KLF8: variants seen among roughly 807,000 people sequenced by gnomAD.
KLF8 encodes Krueppel-like factor 8.
In KLF8, 10 loss-of-function variants were observed where a neutral mutation model predicts 18.2. The ratio of observed to expected loss-of-function variants is 0.55; its 90% confidence interval spans 0.34 to 0.93. The LOEUF is 0.93. KLF8 is among the 40% of genes least tolerant of loss of function. The pLI is 0.02. For synonymous variants in KLF8, 109 were observed against 97.3 expected (o/e 1.12, Z -0.71); for missense variants, 264 against 277.9 (o/e 0.95, Z 0.36).
At chrX:55,934,764 A>T in the KLF8 span, among the ~76,000 whole-genome samples, 1 of 112,396 alleles carries the variant, frequency 8.9e-6, no homozygotes, top group Non-Finnish European at 1.9e-5. Flanking sequence ...TTGAAAATTG[A>T]TCAAATTCCT....
At chrX:55,998,323 G>T in the KLF8 span, among the ~76,000 whole-genome samples, 7 of 111,330 alleles carry the variant, frequency 6.3e-5, no homozygotes, top group Admixed American at 6.6e-4. Context: ...CCCTTTACGG[G>T]TGTCGGGCTG....
the KLF8 span, among the ~76,000 whole-genome samples, chrX:55,954,602 C>T: frequency 8.9e-6 from 1 of 111,978 alleles, no homozygotes; most frequent in African/African-American, 3.2e-5. Flanking sequence ...TAAAGTAGTC[C>T]AGTCACTTTG....
chrX:56,225,833 T>G, the KLF8 span, among the ~76,000 whole-genome samples: 1 of 112,261 alleles, frequency 8.9e-6, no homozygotes. Flanking sequence ...CATTTGCAGC[T>G]CTAAATTATT....
At chrX:56,140,930 G>T in the KLF8 span, among the ~76,000 whole-genome samples, 1 of 110,615 alleles carries the variant, frequency 9.0e-6, no homozygotes, top group African/African-American at 3.3e-5. Context: ...GACAATCTAA[G>T]TGGCTAAAAA....
chrX:56,285,235 T>TTTG lies in KLF8; in HGVS notation c.*744_*746dup, dbSNP rs1360064476. On this transcript the variant is annotated 3_prime_UTR_variant, in exon 6 of 6. Transcript: ENST00000468660. ...TAAAGATTTTGCTGCACAATTGTTA[T>TTTG]TTGTTAGGTTAAATTTGGACAAATA... 8.9e-6 allele frequency: 1 copy of TTTG among 111,885 alleles called. No individual in the cohort carries two copies. Among genetic ancestry groups the TTTG allele is most frequent in the Non-Finnish European group, 1.9e-5 (1 of 53,222 alleles). 9.2% of individuals were successfully genotyped at this position (111,885 alleles called of 1,213,427 possible).
At chrX:55,995,295 G>A in the KLF8 span, among the ~76,000 whole-genome samples, 5 of 112,214 alleles carry the variant, frequency 4.5e-5, no homozygotes, top group Admixed American at 9.4e-5. Context: ...CATGTTAGAC[G>A]AGTTCCTTGA....
the KLF8 span, among the ~76,000 whole-genome samples, chrX:55,937,882 C>A: frequency 1.8e-5 from 2 of 111,708 alleles, no homozygotes; most frequent in African/African-American, 6.5e-5. Flanking sequence ...TGGGAAAAGA[C>A]CAAATCTACA....
chrX:55,973,095 A>T, the KLF8 span, among the ~76,000 whole-genome samples: 1 of 112,254 alleles, frequency 8.9e-6, no homozygotes, highest in Admixed American at 9.4e-5. Context: ...ACAAAATTTC[A>T]ATAACAAACA....
At chrX:56,026,921 G>A in the KLF8 span, among the ~76,000 whole-genome samples, 1 of 112,812 alleles carries the variant, frequency 8.9e-6, no homozygotes, top group African/African-American at 3.2e-5. Flanking sequence ...AGGCTTGTAT[G>A]CCGGGAGGGA....
the KLF8 span, among the ~76,000 whole-genome samples, chrX:56,124,037 T>C: frequency 2.7e-5 from 3 of 111,793 alleles, no homozygotes; most frequent in Non-Finnish European, 3.8e-5. Context: ...CTGGTACTTA[T>C]TATTTACAAT....
At chrX:56,202,060 C>T in the KLF8 span, among the ~76,000 whole-genome samples, 1 of 111,154 alleles carries the variant, frequency 9.0e-6, no homozygotes, top group Non-Finnish European at 1.9e-5. Context: ...ACTTGACTTG[C>T]AAGTATCTGA....
the KLF8 span, among the ~76,000 whole-genome samples, chrX:55,920,886 G>C: frequency 8.9e-6 from 1 of 112,023 alleles, no homozygotes; most frequent in Non-Finnish European, 1.9e-5. Flanking sequence ...GGCCATGCTA[G>C]ACATCTAAAC....
the KLF8 span, among the ~76,000 whole-genome samples, chrX:56,151,703 A>G: frequency 9.0e-5 from 10 of 111,262 alleles, no homozygotes; most frequent in Admixed American, 2.9e-4. Context: ...GAAACAGCCA[A>G]GTAGAGAGTT....
chrX:55,987,649 C>A, the KLF8 span, among the ~76,000 whole-genome samples: 2 of 111,775 alleles, frequency 1.8e-5, no homozygotes, highest in Non-Finnish European at 3.8e-5. Flanking sequence ...TGAATAGTGC[C>A]GCAATAAACA....
At chrX:55,956,161 CT>C in the KLF8 span, among the ~76,000 whole-genome samples, 5,569 of 96,225 alleles carry the variant, frequency 0.058, 322 homozygotes, top group African/African-American at 0.24. Context: ...ATCTATCTAT[CT>C]ATCTATCATC....
At chrX:56,083,404 A>T in the KLF8 span, among the ~76,000 whole-genome samples, 3 of 111,965 alleles carry the variant, frequency 2.7e-5, no homozygotes, top group African/African-American at 9.7e-5. Flanking sequence ...AAACCAAAAT[A>T]TTGTGCTAGC....
chrX:56,168,044 C>T, the KLF8 span, among the ~76,000 whole-genome samples: 3 of 111,550 alleles, frequency 2.7e-5, no homozygotes, highest in Non-Finnish European at 5.6e-5. Context: ...AAAAGCTGCC[C>T]TGAGGGATTT....
At chrX:56,076,553 G>C in the KLF8 span, among the ~76,000 whole-genome samples, 1 of 111,000 alleles carries the variant, frequency 9.0e-6, no homozygotes, top group African/African-American at 3.3e-5. Context: ...TTGGACATTT[G>C]GGTTGGTTCC....
chrX:56,221,125 G>C, the KLF8 span, among the ~76,000 whole-genome samples: 141 of 111,955 alleles, frequency 1.3e-3, 1 homozygote, highest in East Asian at 0.035. Context: ...ATAAATCTGT[G>C]CATTTCTGGA....
Sources: allele counts gnomAD v4.1 joint callset (sites outside exome capture counted in the v4.1 genomes callset), GRCh38; gene constraint gnomAD v4.1.1; transcripts MANE v1.5; gene names NCBI Gene and HGNC (gene_info 2026-07-23, HGNC 2026-07-21).